Variants in ADARB2 observed in about 807,000 individuals in gnomAD.
ADARB2 encodes the protein adenosine deaminase RNA specific B2 (inactive).
ADARB2 carries 25 observed loss-of-function variants against 62.2 expected under a neutral mutation model. That is an observed-to-expected ratio of 0.40 (90% CI 0.29 to 0.56). The LOEUF (loss-of-function observed/expected upper bound fraction) is 0.56. Ranked by LOEUF, ADARB2 falls within the 20% of genes least tolerant of loss-of-function variation. The pLI, the probability that ADARB2 is intolerant of heterozygous loss-of-function variation, is 0.43. For missense variants in ADARB2, 1,071 were observed against 1,077.4 expected, an observed-to-expected ratio of 0.99 and a Z score of 0.08; for synonymous variants, 572 against 500.8, an observed-to-expected ratio of 1.14 and a Z score of -1.90.
intron 3 of ADARB2, among the ~76,000 whole-genome samples, chr10:1,337,825 C>A (rs1831988216): frequency 6.6e-6 from 1 of 152,170 alleles, no homozygotes; most frequent in Non-Finnish European, 1.5e-5. Flanking sequence ...GATATTTGGT[C>A]AGACTATAAA....
At chr10:1,508,473 C>T (rs1307456871) in intron 1 of ADARB2, among the ~76,000 whole-genome samples, 3 of 152,020 alleles carry the variant, frequency 2.0e-5, no homozygotes, top group Admixed American at 6.5e-5. Flanking sequence ...ATTGTTTTCA[C>T]GCTGGCTTCT....
chr10:1,447,119 G>A (rs1830979655), intron 1 of ADARB2, among the ~76,000 whole-genome samples: 1 of 152,180 alleles, frequency 6.6e-6, no homozygotes, highest in South Asian at 2.1e-4. Flanking sequence ...TCTTAAGGAT[G>A]AGGATTCAAT....
chr10:1,427,832 G>C (rs1832904396), intron 1 of ADARB2, among the ~76,000 whole-genome samples: 1 of 152,180 alleles, frequency 6.6e-6, no homozygotes, highest in South Asian at 2.1e-4. Flanking sequence ...TCCAGACCAG[G>C]TGTTCATCAG....
chr10:1,669,811 C>G (rs1040497552), intron 1 of ADARB2, among the ~76,000 whole-genome samples: 2 of 151,950 alleles, frequency 1.3e-5, no homozygotes, highest in African/African-American at 4.8e-5. Context: ...GAGACAAACA[C>G]AGACACATAG....
chr10:1,204,781 C>G (rs1453861618), intron 7 of ADARB2, among the ~76,000 whole-genome samples: 1 of 152,236 alleles, frequency 6.6e-6, no homozygotes, highest in African/African-American at 2.4e-5. Context: ...GTTTAAATCT[C>G]CTGGCATTGC....
chr10:1,669,667 C>A (rs926839349), intron 1 of ADARB2, among the ~76,000 whole-genome samples: 2 of 150,876 alleles, frequency 1.3e-5, no homozygotes, highest in Admixed American at 1.3e-4. Flanking sequence ...CAGGGAGACA[C>A]AAACACACAC....
chr10:1,446,528 C>T (rs1234450701), intron 1 of ADARB2, among the ~76,000 whole-genome samples: 1 of 152,166 alleles, frequency 6.6e-6, no homozygotes, highest in East Asian at 1.9e-4. Flanking sequence ...GTGCTGAGGT[C>T]AGGGCTTAGG....
chr10:1,453,539 C>G (rs1281260723), intron 1 of ADARB2, among the ~76,000 whole-genome samples: 1 of 152,168 alleles, frequency 6.6e-6, no homozygotes, highest in Non-Finnish European at 1.5e-5. Context: ...ACTGAATGGT[C>G]TCGGTACCCT....
At chr10:1,335,116 G>A (rs1454637027) in intron 3 of ADARB2, among the ~76,000 whole-genome samples, 1 of 152,068 alleles carries the variant, frequency 6.6e-6, no homozygotes, top group Non-Finnish European at 1.5e-5. Flanking sequence ...TCTTCTCAGG[G>A]GCAATGGGTT....
chr10:1,595,775 G>C (rs199838314), intron 1 of ADARB2, among the ~76,000 whole-genome samples: 1 of 152,208 alleles, frequency 6.6e-6, no homozygotes, highest in Admixed American at 6.5e-5. Flanking sequence ...CATTTGTGCC[G>C]GTCATAATGG....
chr10:1,651,386 C>T (rs887260302), intron 1 of ADARB2, among the ~76,000 whole-genome samples: 10 of 152,206 alleles, frequency 6.6e-5, no homozygotes, highest in South Asian at 2.1e-4. Flanking sequence ...TGGGGCAGGC[C>T]GCCCTCCCTG....
chr10:1,569,179 ACAGAGAGAGAGAGAGGCAGAGACAGAGG>A (rs1038840532), intron 1 of ADARB2, among the ~76,000 whole-genome samples: 3 of 151,982 alleles, frequency 2.0e-5, no homozygotes, highest in Admixed American at 6.6e-5. Flanking sequence ...AAGGAGAGGG[ACAGAGAGAGAGAGAGGCAGAGACAGAGG>A]CAGAGAGAGA....
In ADARB2 at chr10:1,567,778, C is replaced by T. The variant is rs74585395; in HGVS notation, c.100+169273G>A. ...TCACAAGGATTCGTCCACTACCATGCGCACAGCAGGGGCTCAAAGAGCGTT... is the reference window on the plus strand; with the variant it reads ...TCACAAGGATTCGTCCACTACCATGTGCACAGCAGGGGCTCAAAGAGCGTT... On this transcript the variant is annotated intron_variant, in intron 1 of 9. Coordinates refer to ENST00000381312, the MANE Select transcript of ADARB2 (RefSeq NM_018702.4). Among the ~76,000 whole-genome samples the T allele has an allele frequency of 9.6e-3, 1,455 of 152,286 alleles. 20 individuals are homozygous for T. The highest frequency in any genetic ancestry group is 0.019 in the South Asian group (93 of 4,830).
At chr10:1,516,511 G>GCGGGCTGCTCTGTGCA (rs1832011012) in intron 1 of ADARB2, among the ~76,000 whole-genome samples, 1 of 150,958 alleles carries the variant, frequency 6.6e-6, no homozygotes, top group Non-Finnish European at 1.5e-5. Context: ...TGCTCTGTGC[G>GCGGGCTGCTCTGTGCA]GGCTGCTCTG....
intron 1 of ADARB2, among the ~76,000 whole-genome samples, chr10:1,469,591 T>G (rs1533486): frequency 0.49 from 73,911 of 152,014 alleles, 18,201 homozygotes; most frequent in Admixed American, 0.57. Context: ...AGAAATCAGT[T>G]TATTGAATTG....
intron 3 of ADARB2, 126 bp downstream of exon 3, chr10:1,362,902 C>G: frequency 1.1e-6 from 1 of 933,014 alleles, no homozygotes; most frequent in Non-Finnish European, 1.4e-6. Context: ...ACATTCTTTC[C>G]CCTCCCGCTC....
At chr10:1,385,894 C>G in intron 1 of ADARB2, among the ~76,000 whole-genome samples, 1 of 151,988 alleles carries the variant, frequency 6.6e-6, no homozygotes, top group East Asian at 1.9e-4. Context: ...GCCAGAGAAA[C>G]AGGACATCTT....
At chr10:1,689,695 T>C (rs1834644543) in intron 1 of ADARB2, among the ~76,000 whole-genome samples, 1 of 152,236 alleles carries the variant, frequency 6.6e-6, no homozygotes, top group Non-Finnish European at 1.5e-5. Context: ...CAGCAGGCTT[T>C]TGCTCTCAAG....
chr10:1,643,922 T>C (rs1234495003), intron 1 of ADARB2, among the ~76,000 whole-genome samples: 1 of 152,022 alleles, frequency 6.6e-6, no homozygotes, highest in Non-Finnish European at 1.5e-5. Flanking sequence ...AGGTCAGTAA[T>C]GTGAAAGTAG....
Sources: gnomAD v4.1 joint callset for allele counts (sites outside exome capture counted in the v4.1 genomes callset) on GRCh38, gnomAD v4.1.1 for gene constraint, MANE v1.5 for transcripts, NCBI Gene and HGNC (gene_info 2026-07-23, HGNC 2026-07-21) for gene names.